Variants in IGF2R observed in about 807,000 individuals in gnomAD.
IGF2R encodes the protein cation-independent mannose-6-phosphate receptor.
IGF2R carries 91 observed loss-of-function variants against 270.6 expected under a neutral mutation model. That is an observed-to-expected ratio of 0.34 (90% CI 0.28 to 0.40). The LOEUF (loss-of-function observed/expected upper bound fraction) is 0.40, where lower values mean the gene tolerates loss of function less well. Ranked by LOEUF, IGF2R falls within the 10% of genes least tolerant of loss-of-function variation. The pLI, the probability that IGF2R is intolerant of heterozygous loss-of-function variation, is 1.00. For synonymous variants in IGF2R, 1,316 were observed against 1,258.9 expected, an observed-to-expected ratio of 1.05 and a Z score of -0.96; for missense variants, 2,805 against 3,188.3, an observed-to-expected ratio of 0.88 and a Z score of 2.90.
At chr6:159,971,673 G>C (rs975474562) in intron 1 of IGF2R, among the ~76,000 whole-genome samples, 8 of 152,106 alleles carry the variant, frequency 5.3e-5, no homozygotes, top group Non-Finnish European at 1.2e-4. Flanking sequence ...TTTGAGGCAG[G>C]GTCTCACCGC....
intron 4 of IGF2R, among the ~76,000 whole-genome samples, chr6:160,014,680 T>C (rs1030547547): frequency 6.6e-6 from 1 of 152,254 alleles, no homozygotes; most frequent in Non-Finnish European, 1.5e-5. Context: ...TTGCATCTTG[T>C]CTTGCATCCT....
chr6:160,075,817 A>G (rs1191675090), intron 35 of IGF2R, 30 bp from the exon 36 acceptor site: 2 of 1,606,506 alleles, frequency 1.2e-6, no homozygotes, highest in South Asian at 2.2e-5. Context: ...TAATTTCCTG[A>G]AATACTGTTT....
rs781337313 is a variant in IGF2R, at chr6:160,058,037, G to T, written c.2811G>T (p.Arg937Ser). 3 of 1,612,812 alleles carry T rather than the reference G, an allele frequency of 1.9e-6. No individual in the cohort carries two copies. In the African/African-American group the frequency reaches 4.0e-5, roughly 21 times the overall value. The part of the protein sequence containing the change: ...TTDTDQACSI[R>S]DPNSGFVFNL... Reference sequence around the variant, plus strand: ...GTTTCCTGTAGGCTTGCTCTATAAGGGATCCCAACAGTGGATTTGTGTTTA... The same window carrying T: ...GTTTCCTGTAGGCTTGCTCTATAAGTGATCCCAACAGTGGATTTGTGTTTA... Residue 937 changes from arginine (R) to serine (S), a missense_variant, in exon 21 of 48, where the codon AGG becomes AGT. By Grantham distance (110) the Arg-to-Ser change is moderately radical. Coordinates refer to ENST00000356956, the MANE Select transcript of IGF2R (RefSeq NM_000876.4).
chr6:160,017,639 C>T (rs1562344887), intron 4 of IGF2R, among the ~76,000 whole-genome samples: 1 of 152,066 alleles, frequency 6.6e-6, no homozygotes, highest in Non-Finnish European at 1.5e-5. Context: ...AAGAAAATCC[C>T]ATCAAACTAA....
chr6:159,987,426 G>A (rs572960486), intron 1 of IGF2R, among the ~76,000 whole-genome samples: 2 of 152,224 alleles, frequency 1.3e-5, no homozygotes, highest in East Asian at 3.9e-4. Context: ...GAGTCTCGCT[G>A]TGTTGCCCAG....
chr6:160,043,479 C>CTAGA (rs1777992402), intron 12 of IGF2R, among the ~76,000 whole-genome samples, 191 bp downstream of exon 12: 1 of 151,494 alleles, frequency 6.6e-6, no homozygotes, highest in Admixed American at 6.5e-5. Context: ...CTGAAGTTGG[C>CTAGA]TAGAGCTCCC....
intron 28 of IGF2R, 45 bp from the exon 29 acceptor site, chr6:160,064,759 G>C (rs1778525262): frequency 7.3e-7 from 1 of 1,374,964 alleles, no homozygotes; most frequent in Non-Finnish European, 1.0e-6. Context: ...ATAAACTAAA[G>C]TTTTGCATTC....
In IGF2R at chr6:159,969,084, C is replaced by G. The variant is rs985846746; in HGVS notation, c.-163C>G. 67 of 239,142 alleles carry G rather than the reference C, an allele frequency of 2.8e-4. No individual in the cohort carries two copies. Among genetic ancestry groups the G allele is most frequent in the African/African-American group, 1.5e-3 (62 of 42,736 alleles). The allele number at this position is 239,142 out of a possible 1,614,324, so 14.8% of individuals were successfully genotyped here. A position where few individuals can be genotyped will look rare whatever the true frequency, so the allele number is the denominator to read the frequency against. The stretch of plus-strand genomic sequence containing the variant: ...GACGCGGTTCCGGGGCCGCCGCTGC[C>G]GCTGTCGCTGTCGCCGAGCCCAGTC... On this transcript the variant is annotated 5_prime_UTR_variant, in exon 1 of 48. Coordinates refer to ENST00000356956, the MANE Select transcript of IGF2R (RefSeq NM_000876.4).
chr6:160,062,009 C>T, intron 25 of IGF2R, 81 bp downstream of exon 25: 1 of 1,380,134 alleles, frequency 7.2e-7, no homozygotes. Context: ...AATCTTCTAT[C>T]TTGTTTAAAA....
intron 15 of IGF2R, 84 bp downstream of exon 15, chr6:160,046,729 A>C: frequency 7.2e-7 from 1 of 1,386,716 alleles, no homozygotes; most frequent in Non-Finnish European, 9.9e-7. Context: ...GTTCTCACTT[A>C]ATGTCATTGC....
intron 35 of IGF2R, 40 bp from the exon 36 acceptor site, chr6:160,075,807 T>C: frequency 6.2e-7 from 1 of 1,601,622 alleles, no homozygotes; most frequent in Non-Finnish European, 8.5e-7. Flanking sequence ...TGGGAATGGT[T>C]AATTTCCTGA....
intron 25 of IGF2R, 84 bp from the exon 26 acceptor site, chr6:160,062,448 A>G: frequency 2.0e-6 from 2 of 997,162 alleles, no homozygotes; most frequent in South Asian, 1.3e-5. Context: ...CTGAGATTAC[A>G]GGTGTGAGCC....
chr6:160,109,543 G>A lies in IGF2R; in HGVS notation c.*4459G>A, dbSNP rs538564679. ...AAATGAGGACCTTCACAGGACTAAG[G>A]TGCCACCATCAGAACCACAATATGT... On this transcript the variant is annotated 3_prime_UTR_variant, in exon 48 of 48. Coordinates refer to ENST00000356956, the MANE Select transcript of IGF2R (RefSeq NM_000876.4). 2.0e-5 allele frequency: 3 copies of A among 152,248 alleles called. No individual in the cohort carries two copies. Among genetic ancestry groups the A allele is most frequent in the African/African-American group, 4.8e-5 (2 of 41,530 alleles). The allele number at this position is 152,248 out of a possible 1,614,324, so 9.4% of individuals were successfully genotyped here.
Position 160,062,977 on chromosome 6 carries a change from A to C in IGF2R, c.3670+358A>C, listed in dbSNP as rs189999917. Among the ~76,000 whole-genome samples, 485 of 122,934 alleles carry C rather than the reference A, an allele frequency of 3.9e-3. 12 individuals are homozygous for C. Among genetic ancestry groups the C allele is most frequent in the African/African-American group, 0.014 (471 of 34,806 alleles). The allele number at this position is 122,934 out of a possible 152,430, so 80.6% of individuals were successfully genotyped here. A position where few individuals can be genotyped will look rare whatever the true frequency, so the allele number is the denominator to read the frequency against. ...ATTTGTATTATATATAAACAAAATC[A>C]TGTGGAAATGGCTTTTAATGCCCAT... is the stretch of plus-strand genomic sequence containing the variant. On this transcript the variant is annotated intron_variant, in intron 26 of 47. Coordinates refer to ENST00000356956, the MANE Select transcript of IGF2R (RefSeq NM_000876.4).
chr6:160,043,215 T>C lies in IGF2R; in HGVS notation c.1548T>C (p.Ile516=), dbSNP rs143677595. 320 of 1,614,062 alleles carry C rather than the reference T, an allele frequency of 2.0e-4. No homozygotes were observed. Among genetic ancestry groups the C allele is most frequent in the Middle Eastern group, 3.3e-4 (2 of 6,084 alleles). ...AAACAGAGAAGAAGCATTTTTTCAT[T>C]AATATTTGTCACAGAGTGCTGCAGG... is the stretch of plus-strand genomic sequence containing the variant. ...QTETEKKHFF[I]NICHRVLQEG... is the part of the protein sequence containing the mutation. Residue 516 remains isoleucine, a synonymous_variant, in exon 12 of 48, where the codon ATT becomes ATC. Transcript: ENST00000356956.
intron 2 of IGF2R, among the ~76,000 whole-genome samples, chr6:159,999,370 C>T (rs1784095272): frequency 6.6e-6 from 1 of 152,136 alleles, no homozygotes; most frequent in Non-Finnish European, 1.5e-5. Context: ...TCCAGAATGG[C>T]GTTACTTTAG....
At position 160,050,438 on chromosome 6, in the gene IGF2R, G is replaced by C. The variant is rs760241413; in HGVS notation, c.2515-35G>C. The C allele has an allele frequency of 6.3e-7, 1 of 1,582,336 alleles. No individual in the cohort carries two copies. The highest frequency in any genetic ancestry group is 8.6e-7 in the Non-Finnish European group (1 of 1,157,842). On this transcript the variant is annotated intron_variant, in intron 18 of 47. Coordinates refer to ENST00000356956, the MANE Select transcript of IGF2R (RefSeq NM_000876.4). The surrounding 1 kb of genome is among the most constrained non-coding windows in gnomAD (Gnocchi z 4.0). ...CAATAACGAATCGACTGTATCTTCA[G>C]GGGGAAAAGCCTAACAAGACTGGTT...
chr6:160,074,385 T>G (rs1778813254), intron 35 of IGF2R, among the ~76,000 whole-genome samples: 1 of 152,278 alleles, frequency 6.6e-6, no homozygotes, highest in Non-Finnish European at 1.5e-5. Context: ...GAGTTATAAT[T>G]AAGGGCAAGA....
rs575308408 is a variant in IGF2R at position 159,992,540 on chromosome 6, G to T, written c.289+1217G>T. 6.6e-5 allele frequency among the ~76,000 whole-genome samples: 10 copies of T among 151,988 alleles called. No homozygotes were observed. The Middle Eastern group carries it at 0.01, about 155-fold the overall frequency. On this transcript the variant is annotated intron_variant, in intron 2 of 47. Coordinates refer to ENST00000356956, the MANE Select transcript of IGF2R (RefSeq NM_000876.4). The stretch of plus-strand genomic sequence containing the variant: ...TTCAATTCATGTTGCTGCAAAACAT[G>T]TGATTTCATTCTTTTTTATGGCCAA...
Sources: gnomAD v4.1 joint callset for allele counts (sites outside exome capture counted in the v4.1 genomes callset) on GRCh38, gnomAD v4.1.1 for gene constraint, Gnocchi (gnomAD v3.1) non-coding constraint, MANE v1.5 for transcripts, NCBI Gene and HGNC (gene_info 2026-07-23, HGNC 2026-07-21) for gene names.